TENT4B: variants seen among roughly 807,000 people sequenced by gnomAD.
TENT4B encodes PAP associated domain containing 5.
A neutral mutation model predicts 75.0 loss-of-function variants in TENT4B; 10 were observed. The observed-to-expected ratio is 0.13, with a 90% CI of 0.08 to 0.23. TENT4B has a LOEUF of 0.23. TENT4B is among the 10% of genes least tolerant of loss of function. The pLI is 1.00. For missense variants in TENT4B, 579 were observed against 893.8 expected (o/e 0.65, Z 4.49); for synonymous variants, 350 against 357.7 (o/e 0.98, Z 0.24).
chr16:50,217,385 T>C (rs2031614964), intron 4 of TENT4B, among the ~76,000 whole-genome samples, 171 bp from the exon 5 acceptor site: 2 of 152,180 alleles, frequency 1.3e-5, no homozygotes, highest in Admixed American at 1.3e-4. Flanking sequence ...ATATGCAGCA[T>C]ATAGTATTTG....
Position 50,153,459 on chromosome 16 carries a change from G to T in TENT4B, c.-163G>T. On this transcript the variant is annotated 5_prime_UTR_variant, in exon 1 of 12. Coordinates refer to ENST00000561678, the MANE Select transcript of TENT4B (RefSeq NM_001365324.3). ...GCCGCCGGCGCCGGCCGGGCTCCCTGCGCGACCGCGCCGCCCGCGGCGGGC... is the reference window on the plus strand; with the variant it reads ...GCCGCCGGCGCCGGCCGGGCTCCCTTCGCGACCGCGCCGCCCGCGGCGGGC... 1.0e-6 allele frequency: 1 copy of T among 960,960 alleles called. No individual in the cohort carries two copies. Among genetic ancestry groups the T allele is most frequent in the Non-Finnish European group, 1.2e-6 (1 of 810,686 alleles). The allele number at this position is 960,960 out of a possible 1,614,324, so 59.5% of individuals were successfully genotyped here.
chr16:50,170,960 GT>G (rs11424639), intron 1 of TENT4B, among the ~76,000 whole-genome samples: 273 of 146,748 alleles, frequency 1.9e-3, no homozygotes, highest in African/African-American at 5.5e-3. Flanking sequence ...TGTGCCCAGT[GT>G]TTTTTTTTTT....
At chr16:50,198,431 AAAG>A (rs1175052338) in intron 1 of TENT4B, among the ~76,000 whole-genome samples, 1 of 149,162 alleles carries the variant, frequency 6.7e-6, no homozygotes, top group South Asian at 2.1e-4. Flanking sequence ...AAAAAAAAAA[AAAG>A]AAGAAAAGGA....
chr16:50,154,643 C>G (rs1265955602), intron 1 of TENT4B, among the ~76,000 whole-genome samples: 1 of 151,940 alleles, frequency 6.6e-6, no homozygotes, highest in African/African-American at 2.4e-5. Context: ...ATCATCACAA[C>G]TCAAGATGAG....
intron 1 of TENT4B, among the ~76,000 whole-genome samples, chr16:50,195,953 T>C (rs1319786935): frequency 2.0e-5 from 3 of 152,224 alleles, no homozygotes; most frequent in African/African-American, 4.8e-5. Flanking sequence ...ACAATAGATA[T>C]AGTAGAAATA....
upstream of TENT4B, among the ~76,000 whole-genome samples, chr16:50,153,209 G>A (rs1236257227): frequency 7.3e-6 from 1 of 137,074 alleles, no homozygotes; most frequent in African/African-American, 2.6e-5. Flanking sequence ...AGCGAGAGGG[G>A]CGGAGCCGGC....
At chr16:50,164,311 TTTG>T (rs139490265) in intron 1 of TENT4B, among the ~76,000 whole-genome samples, 100,388 of 150,812 alleles carry the variant, frequency 0.67, 35,279 homozygotes, top group Non-Finnish European at 0.76. Context: ...TTGTTGTTCT[TTTG>T]TTGTTGTTGT....
At chr16:50,197,079 C>G (rs933092194) in intron 1 of TENT4B, among the ~76,000 whole-genome samples, 23 of 151,534 alleles carry the variant, frequency 1.5e-4, no homozygotes, top group Non-Finnish European at 1.3e-4. Context: ...TGCCTTCCAG[C>G]CTGGGGATGA....
chr16:50,222,595 G>A (rs528094952), intron 6 of TENT4B, among the ~76,000 whole-genome samples, 161 bp downstream of exon 6: 1 of 152,184 alleles, frequency 6.6e-6, no homozygotes, highest in Non-Finnish European at 1.5e-5. Flanking sequence ...TTATCATTTA[G>A]CAAATATGTA....
At chr16:50,169,605 C>G (rs998866661) in intron 1 of TENT4B, among the ~76,000 whole-genome samples, 1 of 151,990 alleles carries the variant, frequency 6.6e-6, no homozygotes, top group African/African-American at 2.4e-5. Context: ...GAAGGCTTTC[C>G]TCTTCAAGCT....
Position 50,163,672 on chromosome 16 carries a change from TA to T in TENT4B, c.638+9414del, listed in dbSNP as rs1178764571. Among the ~76,000 whole-genome samples the T allele has an allele frequency of 1.4e-4, 21 of 151,648 alleles. No homozygotes were observed. The South Asian group carries it at 4.2e-3, about 30-fold the overall frequency. On this transcript the variant is annotated intron_variant, in intron 1 of 11. Transcript: ENST00000561678. ...CCTCGGCCTCCCAAAGTACTGGGAT[TA>T]CAGGCATGAGCCACCGCGCCCGGCC...
intron 1 of TENT4B, among the ~76,000 whole-genome samples, chr16:50,190,625 T>C (rs2038621570): frequency 1.3e-5 from 2 of 152,130 alleles, no homozygotes; most frequent in South Asian, 4.1e-4. Flanking sequence ...TGTTCCTTTT[T>C]ATGTCCATTG....
rs964895148 is a variant in TENT4B, at chr16:50,235,087, C to T, written c.*5759C>T. On this transcript the variant is annotated 3_prime_UTR_variant, in exon 12 of 12. Coordinates refer to ENST00000561678, the MANE Select transcript of TENT4B (RefSeq NM_001365324.3). ...GTGATTTAAGAAATCTCAACATTTC[C>T]TGAGGCCGTATCACTGGGCAACCAG... is the stretch of plus-strand genomic sequence containing the variant. 2.1e-6 allele frequency: 2 copies of T among 969,754 alleles called. No individual in the cohort carries two copies. Among genetic ancestry groups the T allele is most frequent in the Non-Finnish European group, 2.5e-6 (2 of 815,438 alleles). The allele number at this position is 969,754 out of a possible 1,614,324, so 60.1% of individuals were successfully genotyped here.
rs553333626 is a variant in TENT4B, at chr16:50,221,859, G to A, written c.1039-447G>A. ...CCTCACTACATCCTCTGCCTCCCGG[G>A]TTCAAGTGATTCTCCTGCCTCAGCC... On this transcript the variant is annotated intron_variant, in intron 5 of 11. Coordinates refer to ENST00000561678, the MANE Select transcript of TENT4B (RefSeq NM_001365324.3). Among the ~76,000 whole-genome samples the A allele has an allele frequency of 3.6e-3, 551 of 152,090 alleles. 3 individuals are homozygous for A. Among genetic ancestry groups the A allele is most frequent in the Non-Finnish European group, 6.7e-3 (453 of 68,000 alleles).
rs1188569792 is a variant in TENT4B at position 50,154,030 on chromosome 16, T to A, written c.409T>A (p.Ser137Thr). 2 of 1,533,306 alleles carry A rather than the reference T, an allele frequency of 1.3e-6. No individual in the cohort carries two copies. Among genetic ancestry groups the A allele is most frequent in the East Asian group, 4.9e-5 (2 of 40,760 alleles). The allele number at this position is 1,533,306 out of a possible 1,614,324, so 95.0% of individuals were successfully genotyped here. A position where few individuals can be genotyped will look rare whatever the true frequency, so the allele number is the denominator to read the frequency against. ...SSASSPPSAS[S>T]SPHPSAAVPA... ...GGCGTCCTCGCCTCCCTCGGCGTCC[T>A]CGTCCCCGCACCCTTCGGCCGCCGT... is the stretch of plus-strand genomic sequence containing the variant. Residue 137 changes from serine (S) to threonine (T), a missense_variant, in exon 1 of 12, where the codon TCG becomes ACG. Physicochemically the swap from Ser to Thr is moderately conservative, Grantham distance 58 (BLOSUM62 1). This residue lies in a region of TENT4B where 253 missense variants were observed against 270.1 expected (regional missense o/e 0.94). Transcript: ENST00000561678.
Position 50,232,400 on chromosome 16 carries a change from T to C in TENT4B, c.*3072T>C, listed in dbSNP as rs1429636837. 9 of 985,300 alleles carry C rather than the reference T, an allele frequency of 9.1e-6. No homozygotes were observed. Among genetic ancestry groups the C allele is most frequent in the African/African-American group, 1.7e-5 (1 of 57,230 alleles). 61.0% of individuals were successfully genotyped at this position (985,300 alleles called of 1,614,324 possible). On this transcript the variant is annotated 3_prime_UTR_variant, in exon 12 of 12. Transcript: ENST00000561678. Reference sequence around the variant, plus strand: ...TTGCATTTTGAGCCTCATTAATATTTAGGTTATTTGATTTGGCTCCAGATA... The same window carrying C: ...TTGCATTTTGAGCCTCATTAATATTCAGGTTATTTGATTTGGCTCCAGATA...
At position 50,214,262 on chromosome 16, in the gene TENT4B, T is replaced by G; in HGVS notation, c.804T>G (p.Pro268=). Reference sequence around the variant, plus strand: ...GTTTTAAAACTGGACTTTATTTACCTACTAGGTTAGTACACTCATGAATCT... The same window carrying G: ...GTTTTAAAACTGGACTTTATTTACCGACTAGGTTAGTACACTCATGAATCT... ...FGSFKTGLYL[P]TSDIDLVVFG... The change falls in exon 3 of 12, where the codon CCT becomes CCG. Residue 268 remains proline (P), a synonymous_variant. Transcript: ENST00000561678. The G allele has an allele frequency of 1.9e-6, 3 of 1,588,232 alleles. No individual in the cohort carries two copies. Among genetic ancestry groups the G allele is most frequent in the Non-Finnish European group, 2.6e-6 (3 of 1,159,268 alleles).
Position 50,216,131 on chromosome 16 carries a change from A to C in TENT4B, c.866A>C (p.Glu289Ala). The C allele has an allele frequency of 6.2e-7, 1 of 1,614,002 alleles. No individual in the cohort carries two copies. Among genetic ancestry groups the C allele is most frequent in the Non-Finnish European group, 8.5e-7 (1 of 1,179,856 alleles). The change falls in exon 4 of 12, where the codon GAA becomes GCA. Residue 289 changes from glutamate (E) to alanine (A), a missense_variant. Around this residue, in one of 7 missense-constraint regions of TENT4B, gnomAD observed 55 missense variants for 77.1 expected, o/e 0.71. Transcript: ENST00000561678. ...KWENLPLWTL[E>A]EALRKHKVAD... Reference sequence around the variant, plus strand: ...GAGAACCTACCCCTCTGGACTCTGGAAGAAGCTCTTCGGAAACACAAAGTC... The same window carrying C: ...GAGAACCTACCCCTCTGGACTCTGGCAGAAGCTCTTCGGAAACACAAAGTC...
intron 1 of TENT4B, among the ~76,000 whole-genome samples, chr16:50,202,189 G>A (rs1774176988): frequency 6.6e-6 from 1 of 152,162 alleles, no homozygotes; most frequent in Non-Finnish European, 1.5e-5. Flanking sequence ...TTTGGATACT[G>A]GAATTTTCAT....
Sources: allele counts gnomAD v4.1 joint callset (sites outside exome capture counted in the v4.1 genomes callset), GRCh38; gene constraint gnomAD v4.1.1; regional missense constraint gnomAD v4.1.1; transcripts MANE v1.5; gene names NCBI Gene and HGNC (gene_info 2026-07-23, HGNC 2026-07-21).